ANKRD17: variants seen among roughly 807,000 people sequenced by gnomAD.
ANKRD17 encodes ankyrin repeat domain-containing protein 17.
A neutral mutation model predicts 229.7 loss-of-function variants in ANKRD17; 19 were observed. That is an observed-to-expected ratio of 0.08 (90% CI 0.06 to 0.12). ANKRD17 has a LOEUF of 0.12. Among genes scored for constraint, ANKRD17 ranks in the 10% least tolerant of loss-of-function variants. The probability of loss-of-function intolerance (pLI) is 1.00; values close to 1 mark genes in which losing one functional copy is unlikely to be tolerated. For synonymous variants in ANKRD17, 1,112 were observed against 1,146.1 expected (o/e 0.97, Z 0.60); for missense variants, 2,176 against 3,176.8 (o/e 0.68, Z 7.57).
At chr4:73,152,090 C>A (rs1181051474) in intron 6 of ANKRD17, among the ~76,000 whole-genome samples, 1 of 151,798 alleles carries the variant, frequency 6.6e-6, no homozygotes, top group Admixed American at 6.6e-5. Context: ...TTCAAATAAA[C>A]CATATGCTTC....
chr4:73,256,180 CAAAAGG>C (rs1255605733), intron 1 of ANKRD17, among the ~76,000 whole-genome samples: 1 of 152,172 alleles, frequency 6.6e-6, no homozygotes, highest in Non-Finnish European at 1.5e-5. Flanking sequence ...TCCTATATTA[CAAAAGG>C]AAAACAAACC....
rs771032114 is a variant in ANKRD17, at chr4:73,147,198, A to C, written c.1759+43T>G. The stretch of plus-strand genomic sequence containing the variant: ...TTTGCATTATGACATTTTTACTTAA[A>C]CAAATCATGTAAAAAACTTCTCCCA... On this transcript the variant is annotated intron_variant, in intron 9 of 33. Coordinates refer to ENST00000358602, the MANE Select transcript of ANKRD17 (RefSeq NM_032217.5). 28 of 1,481,990 alleles carry C rather than the reference A, an allele frequency of 1.9e-5. 1 individual carries two copies. Among genetic ancestry groups the C allele is most frequent in the Non-Finnish European group, 2.5e-5 (28 of 1,105,680 alleles). The allele number at this position is 1,481,990 out of a possible 1,614,324, so 91.8% of individuals were successfully genotyped here. A position where few individuals can be genotyped will look rare whatever the true frequency, so the allele number is the denominator to read the frequency against.
intron 1 of ANKRD17, among the ~76,000 whole-genome samples, chr4:73,186,663 G>A (rs1193099252): frequency 6.6e-6 from 1 of 152,112 alleles, no homozygotes; most frequent in African/African-American, 2.4e-5. Flanking sequence ...AATTGAGTAT[G>A]ACATTACTAA....
intron 1 of ANKRD17, among the ~76,000 whole-genome samples, chr4:73,190,886 G>C (rs1223538326): frequency 6.6e-6 from 1 of 151,802 alleles, no homozygotes; most frequent in East Asian, 1.9e-4. Context: ...TTTACTAAAG[G>C]ACAAAACAAA....
chr4:73,179,507 TATATA>T (rs1735219604), intron 1 of ANKRD17, among the ~76,000 whole-genome samples: 2 of 83,852 alleles, frequency 2.4e-5, no homozygotes, highest in Non-Finnish European at 5.1e-5. Context: ...TATATATATA[TATATA>T]TATATATTTT....
intron 5 of ANKRD17, among the ~76,000 whole-genome samples, chr4:73,154,388 A>C (rs931238827): frequency 2.0e-5 from 3 of 152,136 alleles, no homozygotes; most frequent in African/African-American, 7.2e-5. Flanking sequence ...GGGAGTTGTA[A>C]AAGAACTGGG....
chr4:73,127,224 C>T (rs1354868822), intron 16 of ANKRD17, among the ~76,000 whole-genome samples: 1 of 151,890 alleles, frequency 6.6e-6, no homozygotes, highest in Admixed American at 6.6e-5. Context: ...CAGGAAAGTC[C>T]CAGGAAAACC....
Position 73,102,428 on chromosome 4 carries a change from T to C in ANKRD17, c.4521A>G (p.Lys1507=). 6.2e-7 allele frequency: 1 copy of C among 1,605,748 alleles called. No individual in the cohort carries two copies. Among genetic ancestry groups the C allele is most frequent in the Non-Finnish European group, 8.5e-7 (1 of 1,178,344 alleles). The change falls in exon 25 of 34, where the codon AAA becomes AAG. Residue 1507 remains lysine (K), a synonymous_variant. Coordinates refer to ENST00000358602, the MANE Select transcript of ANKRD17 (RefSeq NM_032217.5). ...RKLEEIEAKN[K]ENFELQAAQE... ...GAGCAGCTTGGAGTTCAAAGTTCTCTTTATTTTTGGCTTCAATTTCTTCTA... is the reference window on the plus strand; with the variant it reads ...GAGCAGCTTGGAGTTCAAAGTTCTCCTTATTTTTGGCTTCAATTTCTTCTA...
rs914159056 is a variant in ANKRD17, at chr4:73,258,613, C to G, written c.56G>C (p.Ser19Thr). Reference sequence around the variant, plus strand: ...CGCCACAGCCGCCACCGCCGGGGGGCTCCCTTCTCCTTCTGCAGCCGTCGC... The same window carrying G: ...CGCCACAGCCGCCACCGCCGGGGGGGTCCCTTCTCCTTCTGCAGCCGTCGC... Reference protein sequence around the residue: ...AAATAAEGEGSPPAVAAVAGP... With the variant: ...AAATAAEGEGTPPAVAAVAGP... Residue 19 changes from serine (S) to threonine (T), a missense_variant, in exon 1 of 34, where the codon AGC (serine) becomes ACC (threonine). Physicochemically the swap from Ser to Thr is moderately conservative, Grantham distance 58. Around this residue, in one of 18 missense-constraint regions of ANKRD17, gnomAD observed 196 missense variants for 190.0 expected, o/e 1.03. Transcript: ENST00000358602. 11 of 1,481,092 alleles carry G rather than the reference C, an allele frequency of 7.4e-6. No individual in the cohort carries two copies. The highest frequency in any genetic ancestry group is 8.9e-6 in the Non-Finnish European group (10 of 1,125,632). 91.7% of individuals were successfully genotyped at this position (1,481,092 alleles called of 1,614,324 possible). A position where few individuals can be genotyped will look rare whatever the true frequency, so the allele number is the denominator to read the frequency against.
At chr4:73,127,795 G>A (rs1309664151) in intron 16 of ANKRD17, among the ~76,000 whole-genome samples, 1 of 152,148 alleles carries the variant, frequency 6.6e-6, no homozygotes, top group Non-Finnish European at 1.5e-5. Context: ...TTTGTAGAAT[G>A]TACATAATAA....
rs142933370 is a variant in ANKRD17 at position 73,141,516 on chromosome 4, G to A, written c.2332+225C>T. On this transcript the variant is annotated intron_variant, in intron 14 of 33. Transcript: ENST00000358602. ...AAGGAAATCATGGATAATCAGAACT[G>A]CATCAAAGATGAGCATCTGAATTTC... Among the ~76,000 whole-genome samples the A allele has an allele frequency of 4.9e-3, 748 of 152,268 alleles. 7 individuals carry two copies. The highest frequency in any genetic ancestry group is 0.017 in the African/African-American group (700 of 41,558).
rs1722724519 is a variant in ANKRD17, at chr4:73,090,835, C to A, written c.6793G>T (p.Ala2265Ser). ...STLFENSPTS[A>S]HAFWGGSVVS... ...ACAGATCCTCCCCAGAAGGCATGAG[C>A]AGAAGTAGGGCTGTTTTCAAACAAT... The change falls in exon 29 of 34, where the codon GCT becomes TCT. Residue 2265 changes from alanine (A) to serine (S), a missense_variant. Ala to Ser is a moderately conservative substitution (Grantham distance 99, BLOSUM62 1). Coordinates refer to ENST00000358602, the MANE Select transcript of ANKRD17 (RefSeq NM_032217.5). The A allele has an allele frequency of 1.2e-6, 2 of 1,614,044 alleles. No homozygotes were observed. The highest frequency in any genetic ancestry group is 1.7e-6 in the Non-Finnish European group (2 of 1,180,040).
At position 73,258,345 on chromosome 4, in the gene ANKRD17, G is replaced by T. The variant is rs201649070; in HGVS notation, c.324C>A (p.Gly108=). The T allele has an allele frequency of 3.9e-5, 63 of 1,612,334 alleles. No homozygotes were observed. Among genetic ancestry groups the T allele is most frequent in the Non-Finnish European group, 5.0e-5 (59 of 1,179,510 alleles). ...GGGGGGGGGG[G]GGTSSNNSEE... ...CGCTGTTGTTACTGCTGGTGCCGCCGCCGCCACCTCCGCCTCCACCGCCGC... is the reference window on the plus strand; with the variant it reads ...CGCTGTTGTTACTGCTGGTGCCGCCTCCGCCACCTCCGCCTCCACCGCCGC... Residue 108 remains glycine (G), a synonymous_variant, in exon 1 of 34, where the codon GGC becomes GGA. Transcript: ENST00000358602.
chr4:73,258,329 T>A lies in ANKRD17; in HGVS notation c.340A>T (p.Asn114Tyr). ...GGGGGGGTSS[N>Y]NSEEEEDDDD... ...TCGTCCTCTTCTTCCTCGCTGTTGTTACTGCTGGTGCCGCCGCCGCCACCT... is the reference window on the plus strand; with the variant it reads ...TCGTCCTCTTCTTCCTCGCTGTTGTAACTGCTGGTGCCGCCGCCGCCACCT... The change falls in exon 1 of 34, where the codon AAC becomes TAC. Residue 114 changes from asparagine (N) to tyrosine (Y), a missense_variant. Physicochemically the swap from Asn to Tyr is moderately radical, Grantham distance 143 (BLOSUM62 -2). Around this residue, in one of 18 missense-constraint regions of ANKRD17, gnomAD observed 196 missense variants for 190.0 expected, o/e 1.03. Transcript: ENST00000358602. The A allele has an allele frequency of 6.2e-7, 1 of 1,613,630 alleles. No individual in the cohort carries two copies. Among genetic ancestry groups the A allele is most frequent in the Non-Finnish European group, 8.5e-7 (1 of 1,179,978 alleles).
chr4:73,082,175 A>AAG (rs1491026301), intron 30 of ANKRD17, among the ~76,000 whole-genome samples: 4 of 113,554 alleles, frequency 3.5e-5, no homozygotes, highest in East Asian at 2.6e-4. Context: ...AAAAAAAAAA[A>AAG]GGGGGGCCAA....
intron 1 of ANKRD17, among the ~76,000 whole-genome samples, chr4:73,229,310 C>A (rs1266195084): frequency 6.6e-6 from 1 of 151,948 alleles, no homozygotes; most frequent in African/African-American, 2.4e-5. Flanking sequence ...TAGATGTTAC[C>A]CAATTAACTG....
At chr4:73,234,275 A>T (rs2149247341) in intron 1 of ANKRD17, among the ~76,000 whole-genome samples, 1 of 152,318 alleles carries the variant, frequency 6.6e-6, no homozygotes, top group Admixed American at 6.5e-5. Context: ...TAATTTTCAA[A>T]ACCTTTTCTA....
chr4:73,092,111 A>G lies in ANKRD17; in HGVS notation c.5517T>C (p.Thr1839=). The G allele has an allele frequency of 6.2e-7, 1 of 1,614,206 alleles. No homozygotes were observed. The highest frequency in any genetic ancestry group is 8.5e-7 in the Non-Finnish European group (1 of 1,180,028). Residue 1839 remains threonine (T), a synonymous_variant, in exon 29 of 34, where the codon ACT becomes ACC. Transcript: ENST00000358602. ...TTTGAGATGTTGATGACAGAGCTAC[A>G]GTTGTCATTTTAATTCCCATTAAGG... The part of the protein sequence containing the change: ...NTSLMGIKMT[T]VALSSTSQTA...
At chr4:73,113,949 A>C in intron 23 of ANKRD17, 41 bp from the exon 24 acceptor site, 1 of 1,410,696 alleles carries the variant, frequency 7.1e-7, no homozygotes, top group Admixed American at 1.8e-5. Context: ...TCACAGAACA[A>C]TTCTCACTTA....
Sources: allele counts gnomAD v4.1 joint callset (sites outside exome capture counted in the v4.1 genomes callset), GRCh38; gene constraint gnomAD v4.1.1; regional missense constraint gnomAD v4.1.1; transcripts MANE v1.5; gene names NCBI Gene and HGNC (gene_info 2026-07-23, HGNC 2026-07-21).